The following DAB1 variants were observed in gnomAD, a reference collection of about 807,000 sequenced individuals.
DAB1 encodes disabled homolog 1.
A neutral mutation model predicts 64.6 loss-of-function variants in DAB1; 15 were observed. The observed-to-expected ratio is 0.23, with a 90% CI of 0.16 to 0.36. The LOEUF (loss-of-function observed/expected upper bound fraction) is 0.36, where lower values mean the gene tolerates loss of function less well. Among genes scored for constraint, DAB1 ranks in the 10% least tolerant of loss-of-function variants. The pLI is 1.00. For missense variants in DAB1, 596 were observed against 706.7 expected, an observed-to-expected ratio of 0.84 and a Z score of 1.78; for synonymous variants, 235 against 251.9, an observed-to-expected ratio of 0.93 and a Z score of 0.64.
At position 57,947,421 on chromosome 1, in the gene DAB1, A is replaced by G. The variant is rs1318097818; in HGVS notation, n.388-63259T>C. Among the ~76,000 whole-genome samples, 6 of 152,234 alleles carry G rather than the reference A, an allele frequency of 3.9e-5. No individual in the cohort carries two copies. The South Asian group carries it at 1.2e-3, about 32-fold the overall frequency. The stretch of plus-strand genomic sequence containing the variant: ...GTGTCTCAACCTTAGCGCTATTGAC[A>G]TTTTTAACCAGAGCACACCTTGTTG... On this transcript the variant is annotated intron_variant and non_coding_transcript_variant, in intron 5 of 20. Coordinates refer to the DAB1 transcript ENST00000485760.
chr1:57,759,956 T>C (rs954417356), intron 6 of DAB1, among the ~76,000 whole-genome samples: 3 of 152,168 alleles, frequency 2.0e-5, no homozygotes, highest in Non-Finnish European at 2.9e-5. Flanking sequence ...GGGACCTTTG[T>C]ATGCTCTGAA....
chr1:57,807,268 C>T lies in DAB1; in HGVS notation n.551+76731G>A, dbSNP rs565448934. Among the ~76,000 whole-genome samples the T allele has an allele frequency of 5.9e-5, 9 of 152,270 alleles. 1 individual carries two copies. The South Asian group carries it at 1.9e-3, about 32-fold the overall frequency. On this transcript the variant is annotated intron_variant and non_coding_transcript_variant, in intron 6 of 20. Coordinates refer to the DAB1 transcript ENST00000485760. ...GACCTTATTTCCCTTTACCTCAGATCTGGGAGGGCCCTATAACTTGGTTTG... is the reference window on the plus strand; with the variant it reads ...GACCTTATTTCCCTTTACCTCAGATTTGGGAGGGCCCTATAACTTGGTTTG...
intron 1 of DAB1, among the ~76,000 whole-genome samples, chr1:57,344,497 G>C (rs184218095): frequency 6.6e-6 from 1 of 152,110 alleles, no homozygotes; most frequent in East Asian, 1.9e-4. Flanking sequence ...TCAGTGCTTG[G>C]GGAATGCTAA....
intron 5 of DAB1, among the ~76,000 whole-genome samples, chr1:58,082,417 C>T (rs1381000048): frequency 7.5e-6 from 1 of 133,944 alleles, no homozygotes; most frequent in South Asian, 2.6e-4. Context: ...AAAGCCAAAA[C>T]TTAAATAAAA....
chr1:57,189,245 T>C (rs1458239750), intron 2 of DAB1, among the ~76,000 whole-genome samples: 1 of 152,166 alleles, frequency 6.6e-6, no homozygotes, highest in African/African-American at 2.4e-5. Context: ...ATAGCTGACA[T>C]TTGGAAAATC....
chr1:57,574,340 G>A (rs1645225232), intron 7 of DAB1, among the ~76,000 whole-genome samples: 1 of 152,178 alleles, frequency 6.6e-6, no homozygotes, highest in African/African-American at 2.4e-5. Context: ...TGCTCAACAG[G>A]ATGTGAATTT....
chr1:58,213,784 T>G (rs1052458898), intron 4 of DAB1, among the ~76,000 whole-genome samples: 6 of 152,182 alleles, frequency 3.9e-5, no homozygotes, highest in African/African-American at 1.4e-4. Context: ...CTTTCCTAAA[T>G]TGGGACTTCA....
At chr1:57,032,525 C>A (rs1350426743) in intron 9 of DAB1, among the ~76,000 whole-genome samples, 1 of 152,158 alleles carries the variant, frequency 6.6e-6, no homozygotes, top group Non-Finnish European at 1.5e-5. Flanking sequence ...GTTTTGCTTC[C>A]TATGAAGTGG....
chr1:58,170,054 C>A (rs1656077305), intron 4 of DAB1, among the ~76,000 whole-genome samples: 1 of 152,178 alleles, frequency 6.6e-6, no homozygotes, highest in South Asian at 2.1e-4. Flanking sequence ...GAAAAGAATG[C>A]AGCTTTAGCT....
intron 3 of DAB1, among the ~76,000 whole-genome samples, chr1:58,466,871 G>A (rs1391460863): frequency 6.6e-6 from 1 of 152,212 alleles, no homozygotes; most frequent in African/African-American, 2.4e-5. Context: ...TCCTTGTGGT[G>A]GGTGTCAGTC....
intron 4 of DAB1, among the ~76,000 whole-genome samples, chr1:58,161,806 T>A (rs954907100): frequency 6.6e-6 from 1 of 152,144 alleles, no homozygotes; most frequent in African/African-American, 2.4e-5. Context: ...ACTACTGCAT[T>A]GTCACCAAGA....
chr1:58,313,023 C>T (rs1662465868), intron 4 of DAB1, among the ~76,000 whole-genome samples: 1 of 152,024 alleles, frequency 6.6e-6, no homozygotes. Flanking sequence ...ACCCTTGGGG[C>T]CTATTCTGAT....
Position 58,392,967 on chromosome 1 carries a change from T to C in DAB1, n.258-49564A>G, listed in dbSNP as rs562605214. Among the ~76,000 whole-genome samples the C allele has an allele frequency of 8.5e-5, 13 of 152,310 alleles. No homozygotes were observed. The South Asian group carries it at 2.7e-3, about 32-fold the overall frequency. On this transcript the variant is annotated intron_variant and non_coding_transcript_variant, in intron 3 of 20. Coordinates refer to the DAB1 transcript ENST00000485760. ...TTCCATCATGCCCTCTTCCTTTGCC[T>C]ATCCCTCAAATGTTGGGATCGGTCA...
intron 5 of DAB1, among the ~76,000 whole-genome samples, chr1:58,111,637 T>C (rs1441309578): frequency 6.6e-6 from 1 of 152,188 alleles, no homozygotes; most frequent in Non-Finnish European, 1.5e-5. Context: ...TCTTTTTCTT[T>C]GTACCACAGT....
intron 7 of DAB1, among the ~76,000 whole-genome samples, chr1:57,612,572 A>G (rs1255459878): frequency 6.6e-6 from 1 of 152,134 alleles, no homozygotes; most frequent in Non-Finnish European, 1.5e-5. Context: ...GGGTCAAGGA[A>G]TACAGGTGCA....
chr1:58,328,761 G>A (rs911902358), intron 4 of DAB1, among the ~76,000 whole-genome samples: 12 of 151,864 alleles, frequency 7.9e-5, no homozygotes, highest in African/African-American at 1.5e-4. Context: ...ACCTGCCACC[G>A]TGCCTGGCTA....
chr1:58,181,695 G>GTT (rs1656802800), intron 4 of DAB1, among the ~76,000 whole-genome samples: 1 of 150,852 alleles, frequency 6.6e-6, no homozygotes, highest in African/African-American at 2.5e-5. Flanking sequence ...ATAAAATATG[G>GTT]AAATTTTGTT....
chr1:57,281,039 G>A (rs182561673), intron 2 of DAB1, among the ~76,000 whole-genome samples: 5 of 152,214 alleles, frequency 3.3e-5, no homozygotes, highest in Admixed American at 3.3e-4. Flanking sequence ...GAATCCAGGG[G>A]ACTCAGGTGA....
chr1:57,594,518 C>T (rs1645482973), intron 7 of DAB1, among the ~76,000 whole-genome samples: 1 of 152,052 alleles, frequency 6.6e-6, no homozygotes, highest in South Asian at 2.1e-4. Context: ...TCTTCATCAC[C>T]CTCCATGGAC....
Sources: allele counts gnomAD v4.1 joint callset (sites outside exome capture counted in the v4.1 genomes callset), GRCh38; gene constraint gnomAD v4.1.1; transcripts MANE v1.5; gene names NCBI Gene and HGNC (gene_info 2026-07-23, HGNC 2026-07-21).